Variants in GABRG3 observed in about 807,000 individuals in gnomAD.
GABRG3 encodes gamma-aminobutyric acid receptor subunit gamma-3.
Under a neutral mutation model 48.8 loss-of-function variants are expected in GABRG3, and 25 were observed. That is an observed-to-expected ratio of 0.51 (90% confidence interval 0.37 to 0.72). The LOEUF is 0.72. Ranked by LOEUF, GABRG3 falls within the 30% of genes least tolerant of loss-of-function variation. The pLI is 0.00. For synonymous variants in GABRG3, 227 were observed against 217.6 expected (o/e 1.04, Z -0.38); for missense variants, 394 against 577.9 (o/e 0.68, Z 3.26).
intron 3 of GABRG3, among the ~76,000 whole-genome samples, chr15:27,151,648 A>G (rs112526072): frequency 1.3e-5 from 2 of 152,176 alleles, no homozygotes; most frequent in Non-Finnish European, 2.9e-5. Flanking sequence ...GAAAGAGAGT[A>G]AAGGGAGAGT....
At chr15:27,074,690 C>T (rs1405012558) in intron 3 of GABRG3, among the ~76,000 whole-genome samples, 2 of 151,210 alleles carry the variant, frequency 1.3e-5, no homozygotes, top group Non-Finnish European at 2.9e-5. Context: ...ATCCTTACCT[C>T]GCAAATAATA....
At chr15:27,403,502 TG>T (rs1887533213) in intron 5 of GABRG3, among the ~76,000 whole-genome samples, 1 of 152,144 alleles carries the variant, frequency 6.6e-6, no homozygotes, top group Admixed American at 6.5e-5. Context: ...AGAAAATTAT[TG>T]AAAGCACCTA....
chr15:27,249,859 A>G (rs975530258), intron 3 of GABRG3, among the ~76,000 whole-genome samples: 2 of 152,162 alleles, frequency 1.3e-5, no homozygotes, highest in African/African-American at 2.4e-5. Flanking sequence ...TCATAATTCA[A>G]TTAGGTGCAT....
chr15:27,001,888 G>GTTTTTTTTTTTTTTTTTTTTTTTTTTTT (rs60516105), intron 2 of GABRG3, among the ~76,000 whole-genome samples: 2 of 121,208 alleles, frequency 1.7e-5, no homozygotes, highest in African/African-American at 3.2e-5. Context: ...CCATAACTCA[G>GTTTTTTTTTTTTTTTTTTTTTTTTTTTT]TTTTTTTTTT....
chr15:27,356,275 G>C (rs1016263570), intron 5 of GABRG3, among the ~76,000 whole-genome samples: 6 of 152,134 alleles, frequency 3.9e-5, no homozygotes, highest in Middle Eastern at 3.4e-3. Context: ...TAGGGGGTGG[G>C]GAGAGAGGTC....
At chr15:27,251,532 T>C (rs1009232952) in intron 3 of GABRG3, among the ~76,000 whole-genome samples, 1 of 152,240 alleles carries the variant, frequency 6.6e-6, no homozygotes, top group African/African-American at 2.4e-5. Flanking sequence ...GTATTCTTCA[T>C]ACATATAAGT....
intron 3 of GABRG3, among the ~76,000 whole-genome samples, chr15:27,306,818 A>T (rs1424283731): frequency 1.0e-5 from 1 of 95,774 alleles, no homozygotes; most frequent in African/African-American, 5.0e-5. Flanking sequence ...ACATGTTTAT[A>T]TATAAACATA....
At chr15:27,501,053 A>T (rs376304697) in intron 6 of GABRG3, among the ~76,000 whole-genome samples, 2 of 148,384 alleles carry the variant, frequency 1.3e-5, no homozygotes, top group African/African-American at 5.1e-5. Flanking sequence ...CCGGGTTCAC[A>T]CCATTCTCCT....
intron 2 of GABRG3, among the ~76,000 whole-genome samples, chr15:26,999,498 G>GT (rs1895405481): frequency 6.6e-6 from 1 of 151,960 alleles, no homozygotes; most frequent in African/African-American, 2.4e-5. Flanking sequence ...TGTTTCATGT[G>GT]TTTTTCCCCC....
At chr15:27,486,842 C>G (rs1890232756) in intron 6 of GABRG3, among the ~76,000 whole-genome samples, 1 of 152,160 alleles carries the variant, frequency 6.6e-6, no homozygotes, top group African/African-American at 2.4e-5. Context: ...GAGATTTACG[C>G]ATTGTCTTTC....
chr15:27,338,400 A>C (rs1894050023), intron 5 of GABRG3, among the ~76,000 whole-genome samples: 1 of 152,096 alleles, frequency 6.6e-6, no homozygotes, highest in Non-Finnish European at 1.5e-5. Context: ...TGCTATGAGG[A>C]GATGCCAGAA....
At chr15:27,362,154 C>T (rs1432697200) in intron 5 of GABRG3, among the ~76,000 whole-genome samples, 6 of 152,154 alleles carry the variant, frequency 3.9e-5, no homozygotes, top group Admixed American at 2.6e-4. Flanking sequence ...CTATTGAATG[C>T]TTTCAGGAGC....
chr15:27,158,838 G>A (rs190461374), intron 3 of GABRG3, among the ~76,000 whole-genome samples: 42 of 152,252 alleles, frequency 2.8e-4, no homozygotes, highest in Non-Finnish European at 2.5e-4. Flanking sequence ...TTTTTCGTAT[G>A]GCAAATTACC....
chr15:27,480,619 T>A (rs1373856580), intron 5 of GABRG3, 31 bp from the exon 6 acceptor site: 1 of 1,553,082 alleles, frequency 6.4e-7, no homozygotes, highest in Non-Finnish European at 8.8e-7. Flanking sequence ...ATGTGTACCT[T>A]CAAGTGCTAA....
At chr15:27,063,039 C>T (rs1896677537) in intron 3 of GABRG3, among the ~76,000 whole-genome samples, 1 of 152,178 alleles carries the variant, frequency 6.6e-6, no homozygotes, top group African/African-American at 2.4e-5. Flanking sequence ...ATGTAAACAG[C>T]AGGTGACGCG....
chr15:27,215,459 A>G (rs1054960208), intron 3 of GABRG3, among the ~76,000 whole-genome samples: 26 of 152,178 alleles, frequency 1.7e-4, no homozygotes, highest in African/African-American at 5.3e-4. Flanking sequence ...AACATTATCT[A>G]TGCTACCCTG....
intron 3 of GABRG3, among the ~76,000 whole-genome samples, chr15:27,038,733 G>A (rs755706906): frequency 3.4e-4 from 51 of 152,210 alleles, no homozygotes; most frequent in Non-Finnish European, 5.9e-4. Context: ...GGGGTGCAGG[G>A]AGCCCCGCCC....
chr15:27,123,222 A>G lies in GABRG3; in HGVS notation c.270+96401A>G, dbSNP rs138645040. Among the ~76,000 whole-genome samples, 707 of 152,338 alleles carry G rather than the reference A, an allele frequency of 4.6e-3. 6 individuals are homozygous for G. The highest frequency in any genetic ancestry group is 0.017 in the Middle Eastern group (5 of 294). ...AGTGAAAAGAAATAGATGAGTTCTCATTCTTGTAGGTATCAGATATCTTTT... is the reference window on the plus strand; with the variant it reads ...AGTGAAAAGAAATAGATGAGTTCTCGTTCTTGTAGGTATCAGATATCTTTT... On this transcript the variant is annotated intron_variant, in intron 3 of 9. Transcript: ENST00000615808.
intron 3 of GABRG3, among the ~76,000 whole-genome samples, chr15:27,076,938 C>T (rs987860393): frequency 6.6e-6 from 1 of 152,232 alleles, no homozygotes; most frequent in African/African-American, 2.4e-5. Context: ...ATGGCAGCCA[C>T]AGGAAGCTAA....
Sources: allele counts gnomAD v4.1 joint callset (sites outside exome capture counted in the v4.1 genomes callset), GRCh38; gene constraint gnomAD v4.1.1; transcripts MANE v1.5; gene names NCBI Gene and HGNC (gene_info 2026-07-23, HGNC 2026-07-21).